SLCO2A1: variants seen among roughly 807,000 people sequenced by gnomAD.
SLCO2A1 encodes the protein matrin F/G 1.
In SLCO2A1, 60 loss-of-function variants were observed where a neutral mutation model predicts 71.7. That is an observed-to-expected ratio of 0.84 (90% CI 0.68 to 1.04). The LOEUF is 1.04. Ranked by LOEUF, SLCO2A1 falls within the 50% of genes least tolerant of loss-of-function variation. SLCO2A1 has a pLI of 0.00. For missense variants in SLCO2A1, 745 were observed against 813.4 expected, an observed-to-expected ratio of 0.92 and a Z score of 1.02; for synonymous variants, 308 against 326.7, an observed-to-expected ratio of 0.94 and a Z score of 0.62.
chr3:133,976,344 A>T (rs1182406479), intron 2 of SLCO2A1, among the ~76,000 whole-genome samples: 1 of 152,272 alleles, frequency 6.6e-6, no homozygotes, highest in Non-Finnish European at 1.5e-5. Flanking sequence ...ATGTCAGATC[A>T]TATCAGCTGT....
Position 133,933,442 on chromosome 3 carries a change from T to C in SLCO2A1, c.*1271A>G, listed in dbSNP as rs1173140024. The C allele has an allele frequency of 6.6e-6, 1 of 152,196 alleles. No homozygotes were observed. 9.4% of individuals were successfully genotyped at this position (152,196 alleles called of 1,614,324 possible). ...AGGGAAGCTCCATGGAGAACCCTGA[T>C]TAGCATTGCTTTGCACAAAGTCGGT... On this transcript the variant is annotated 3_prime_UTR_variant, in exon 14 of 14. Coordinates refer to ENST00000310926, the MANE Select transcript of SLCO2A1 (RefSeq NM_005630.3).
At chr3:134,024,638 GC>G (rs754641976) in intron 1 of SLCO2A1, among the ~76,000 whole-genome samples, 4 of 152,160 alleles carry the variant, frequency 2.6e-5, no homozygotes, top group Non-Finnish European at 4.4e-5. Flanking sequence ...CCAAAGCCTG[GC>G]CCCCAGGTTT....
rs563787739 is a variant in SLCO2A1, at chr3:133,967,956, C to T, written c.397+5707G>A. 4.5e-3 allele frequency among the ~76,000 whole-genome samples: 435 copies of T among 95,644 alleles called. 1 individual carries two copies. Among genetic ancestry groups the T allele is most frequent in the Middle Eastern group, 0.011 (2 of 174 alleles). The allele number at this position is 95,644 out of a possible 152,430, so 62.7% of individuals were successfully genotyped here. A position where few individuals can be genotyped will look rare whatever the true frequency, so the allele number is the denominator to read the frequency against. On this transcript the variant is annotated intron_variant, in intron 3 of 13. Coordinates refer to ENST00000310926, the MANE Select transcript of SLCO2A1 (RefSeq NM_005630.3). ...CCCACACATGTGAACACACTTCCCC[C>T]GACATGGACCCCTCCTCACCTCCAC...
intron 12 of SLCO2A1, among the ~76,000 whole-genome samples, chr3:133,936,173 A>G (rs1451835656): frequency 2.0e-5 from 3 of 152,162 alleles, no homozygotes; most frequent in Non-Finnish European, 4.4e-5. Flanking sequence ...GACATCCAAC[A>G]TAGTTCTCCT....
chr3:133,988,821 G>A (rs1934770510), intron 1 of SLCO2A1, among the ~76,000 whole-genome samples: 1 of 152,184 alleles, frequency 6.6e-6, no homozygotes, highest in African/African-American at 2.4e-5. Context: ...CCAGACAGGT[G>A]GGAACACGTG....
chr3:133,948,801 C>T (rs1933655692), intron 7 of SLCO2A1, 92 bp downstream of exon 7: 7 of 1,588,544 alleles, frequency 4.4e-6, no homozygotes, highest in Non-Finnish European at 6.0e-6. Context: ...CTGTCCCTTA[C>T]CGCACACAAC....
chr3:133,941,546 G>A (rs958758848), intron 11 of SLCO2A1, among the ~76,000 whole-genome samples: 1 of 151,978 alleles, frequency 6.6e-6, no homozygotes, highest in South Asian at 2.1e-4. Context: ...GGACAGGAGG[G>A]AGGGCAGTGG....
At chr3:133,960,116 T>C (rs2108048423) in intron 3 of SLCO2A1, among the ~76,000 whole-genome samples, 1 of 138,960 alleles carries the variant, frequency 7.2e-6, no homozygotes, top group Non-Finnish European at 1.5e-5. Context: ...CGAGACTCCG[T>C]CTCAAAAATA....
At chr3:134,026,298 C>T (rs1385642205) in intron 1 of SLCO2A1, among the ~76,000 whole-genome samples, 3 of 151,662 alleles carry the variant, frequency 2.0e-5, no homozygotes, top group Admixed American at 6.6e-5. Flanking sequence ...AGTTGCAAAC[C>T]GTGTGGACCC....
At chr3:134,029,099 G>A (rs2108083576) in intron 1 of SLCO2A1, among the ~76,000 whole-genome samples, 1 of 152,332 alleles carries the variant, frequency 6.6e-6, no homozygotes, top group Non-Finnish European at 1.5e-5. Context: ...GCCAGCCTGG[G>A]GAAGCCGCCC....
chr3:133,953,866 C>A (rs1933815345), intron 4 of SLCO2A1, 105 bp from the exon 5 acceptor site: 2 of 838,370 alleles, frequency 2.4e-6, no homozygotes, highest in South Asian at 3.0e-5. Context: ...TTCATCTGTT[C>A]CCAAGCCTGA....
rs768681786 is a variant in SLCO2A1, at chr3:134,029,684, AAG to A, written c.96+21_96+22del. On this transcript the variant is annotated intron_variant, in intron 1 of 13. Coordinates refer to ENST00000310926, the MANE Select transcript of SLCO2A1 (RefSeq NM_005630.3). ...TGCGCCAGGCGCGGCTCCGGCCCGG[AAG>A]ACCCCGCGGACTCCGCTCACCTTAA... The A allele has an allele frequency of 1.1e-5, 17 of 1,555,532 alleles. No homozygotes were observed. The African/African-American group carries it at 2.3e-4, about 21-fold the overall frequency.
intron 13 of SLCO2A1, among the ~76,000 whole-genome samples, chr3:133,935,068 C>T (rs1420293718): frequency 2.0e-5 from 3 of 152,166 alleles, no homozygotes; most frequent in Admixed American, 2.0e-4. Flanking sequence ...CCTCCACTGG[C>T]TCTTTCCAGA....
At chr3:134,008,382 G>A (rs766474970) in intron 1 of SLCO2A1, among the ~76,000 whole-genome samples, 5 of 152,140 alleles carry the variant, frequency 3.3e-5, no homozygotes, top group Non-Finnish European at 7.4e-5. Context: ...ATAAATGAAT[G>A]AATAAATGGG....
intron 1 of SLCO2A1, among the ~76,000 whole-genome samples, chr3:133,987,477 AT>A (rs1348884340): frequency 6.6e-6 from 1 of 151,906 alleles, no homozygotes; most frequent in Non-Finnish European, 1.5e-5. Flanking sequence ...CAATCAGAAA[AT>A]TTTAAATCTA....
rs1475066984 is a variant in SLCO2A1, at chr3:133,979,611, A to G, written c.104T>C (p.Val35Ala). 1.2e-6 allele frequency: 2 copies of G among 1,611,516 alleles called. No homozygotes were observed. ...RSVFGNIKVFVLCQGLLQLCQ... is the reference protein window; with the variant it reads ...RSVFGNIKVFALCQGLLQLCQ... ...GAGCTGCAGGAGGCCTTGGCAGAGC[A>G]CAAACACCTGGGGGAAGAGTGATGG... Residue 35 changes from valine to alanine, a missense_variant, in exon 2 of 14, where the codon GTG becomes GCG. By Grantham distance (64) the Val-to-Ala change is moderately conservative. Coordinates refer to ENST00000310926, the MANE Select transcript of SLCO2A1 (RefSeq NM_005630.3).
At chr3:133,962,966 C>T (rs527642805) in intron 3 of SLCO2A1, among the ~76,000 whole-genome samples, 22 of 152,296 alleles carry the variant, frequency 1.4e-4, no homozygotes, top group Admixed American at 9.1e-4. Flanking sequence ...TTCCCCCAGG[C>T]AACCTTCTGG....
intron 12 of SLCO2A1, among the ~76,000 whole-genome samples, chr3:133,937,432 A>C (rs893870806): frequency 1.3e-5 from 2 of 152,114 alleles, no homozygotes; most frequent in Non-Finnish European, 2.9e-5. Flanking sequence ...CATCATCCAA[A>C]CACTTCTCCC....
chr3:133,939,373 A>C (rs1933357996), intron 11 of SLCO2A1, among the ~76,000 whole-genome samples: 1 of 152,060 alleles, frequency 6.6e-6, no homozygotes, highest in Non-Finnish European at 1.5e-5. Context: ...CTGATGAGTG[A>C]CTTGACTCCA....
Sources: gnomAD v4.1 joint callset for allele counts (sites outside exome capture counted in the v4.1 genomes callset) on GRCh38, gnomAD v4.1.1 for gene constraint, MANE v1.5 for transcripts, NCBI Gene and HGNC (gene_info 2026-07-23, HGNC 2026-07-21) for gene names.